CELF2: variants seen among roughly 807,000 people sequenced by gnomAD.
The protein encoded by CELF2 is CUG triplet repeat RNA-binding protein 2.
In CELF2, 8 loss-of-function variants were observed where a neutral mutation model predicts 62.6. That is an observed-to-expected ratio of 0.13 (90% CI 0.07 to 0.23). The LOEUF is 0.23. Among genes scored for constraint, CELF2 ranks in the 10% least tolerant of loss-of-function variants. The pLI, the probability that CELF2 is intolerant of heterozygous loss-of-function variation, is 1.00. For missense variants in CELF2, 333 were observed against 671.0 expected, an observed-to-expected ratio of 0.50 and a Z score of 5.56; for synonymous variants, 258 against 250.0, an observed-to-expected ratio of 1.03 and a Z score of -0.30.
intron 1 of CELF2, among the ~76,000 whole-genome samples, chr10:11,093,439 A>G (rs536246312): frequency 6.6e-6 from 1 of 152,334 alleles, no homozygotes; most frequent in South Asian, 2.1e-4. Flanking sequence ...AATCTGTGGC[A>G]TGCAAACTAG....
the CELF2 span, among the ~76,000 whole-genome samples, chr10:10,781,192 C>T: frequency 6.6e-6 from 1 of 152,180 alleles, no homozygotes. Flanking sequence ...CAACAGACCA[C>T]ATATATGAGT....
chr10:10,830,089 G>A (rs1236741159), intron 1 of CELF2, among the ~76,000 whole-genome samples: 1 of 150,664 alleles, frequency 6.6e-6, no homozygotes, highest in African/African-American at 2.4e-5. Context: ...TTAAACTATA[G>A]GCAGTCATGG....
At chr10:10,689,327 C>A in the CELF2 span, among the ~76,000 whole-genome samples, 422 of 152,236 alleles carry the variant, frequency 2.8e-3, 4 homozygotes, top group African/African-American at 7.9e-3. Flanking sequence ...ACCATCAGAT[C>A]TCATGAGGAC....
chr10:10,935,271 G>T (rs912959035), intron 2 of CELF2: 1 of 152,232 alleles, frequency 6.6e-6, no homozygotes, highest in Non-Finnish European at 1.5e-5. Flanking sequence ...AGCTGAGAAA[G>T]TCCTATCCAA....
chr10:11,129,318 G>A (rs893185262), intron 1 of CELF2, among the ~76,000 whole-genome samples: 66 of 152,252 alleles, frequency 4.3e-4, no homozygotes, highest in Non-Finnish European at 5.4e-4. Flanking sequence ...ATGTTCATCG[G>A]GGATATTGGT....
rs1174780302 is a variant in CELF2 at position 11,246,822 on chromosome 10, C to G, written c.355-2331C>G. ...CTTCACTGTCACGCTAAGGAACATT[C>G]TCTGTGGCCCTGGCCCGTCTCTCGA... On this transcript the variant is annotated intron_variant, in intron 3 of 12. Transcript: ENST00000633077. This position sits in a 1 kb window ranked among gnomAD's most constrained non-coding sequence, Gnocchi z 4.6. Among the ~76,000 whole-genome samples, 1 of 152,240 alleles carries G rather than the reference C, an allele frequency of 6.6e-6. No homozygotes were observed. Among genetic ancestry groups the G allele is most frequent in the Non-Finnish European group, 1.5e-5 (1 of 68,040 alleles).
intron 2 of CELF2, chr10:10,951,837 A>G (rs2048353386): frequency 6.6e-6 from 1 of 152,520 alleles, no homozygotes; most frequent in Admixed American, 6.5e-5. Context: ...GCCCAAACAT[A>G]TTGAAGTCAG....
chr10:11,181,248 A>T (rs1462278027), intron 2 of CELF2, among the ~76,000 whole-genome samples: 1 of 152,162 alleles, frequency 6.6e-6, no homozygotes, highest in East Asian at 1.9e-4. Context: ...GTTCGGTTCC[A>T]GGGTTTCTGT....
chr10:11,064,366 T>C (rs566643600), intron 1 of CELF2, among the ~76,000 whole-genome samples: 19 of 152,338 alleles, frequency 1.2e-4, no homozygotes, highest in African/African-American at 4.6e-4. Context: ...GGTCTGTGGT[T>C]ATTACAACCA....
the CELF2 span, among the ~76,000 whole-genome samples, chr10:10,557,598 G>A: frequency 6.6e-6 from 1 of 151,770 alleles, no homozygotes; most frequent in African/African-American, 2.4e-5. Context: ...GATGGGGATG[G>A]CATTGAATCT....
At chr10:10,520,432 A>G in the CELF2 span, among the ~76,000 whole-genome samples, 1 of 152,226 alleles carries the variant, frequency 6.6e-6, no homozygotes, top group Non-Finnish European at 1.5e-5. Flanking sequence ...TGAGCTAAGC[A>G]CTGGATACCA....
chr10:10,730,509 T>G, the CELF2 span, among the ~76,000 whole-genome samples: 16 of 152,154 alleles, frequency 1.1e-4, no homozygotes, highest in African/African-American at 3.9e-4. Flanking sequence ...GTAGGTCTTT[T>G]CATCATTGTG....
At chr10:10,686,309 T>TTTG in the CELF2 span, among the ~76,000 whole-genome samples, 4 of 60,172 alleles carry the variant, frequency 6.6e-5, no homozygotes, top group East Asian at 1.5e-3. Flanking sequence ...TTTGGATTTT[T>TTTG]TGGGGGGGGG....
intron 1 of CELF2, among the ~76,000 whole-genome samples, chr10:11,150,239 G>C (rs1326548345): frequency 6.6e-6 from 1 of 152,150 alleles, no homozygotes; most frequent in African/African-American, 2.4e-5. Flanking sequence ...TAGAGCTGAA[G>C]GCAAGAGCAC....
intron 1 of CELF2, among the ~76,000 whole-genome samples, chr10:10,822,629 C>T (rs758114550): frequency 7.2e-5 from 11 of 152,176 alleles, no homozygotes; most frequent in Non-Finnish European, 1.0e-4. Context: ...CGATTAACTA[C>T]CTGTGCTTTT....
intron 1 of CELF2, among the ~76,000 whole-genome samples, chr10:10,887,135 C>CT (rs200724085): frequency 0.01 from 1,485 of 145,862 alleles, 15 homozygotes; most frequent in African/African-American, 0.029. Flanking sequence ...CATTGTTACT[C>CT]TTTTTTTTTT....
At chr10:10,877,741 G>A (rs898602007) in intron 1 of CELF2, among the ~76,000 whole-genome samples, 1 of 152,180 alleles carries the variant, frequency 6.6e-6, no homozygotes, top group African/African-American at 2.4e-5. Flanking sequence ...GGACGAGTTG[G>A]GTAGGAGGGA....
At position 11,270,052 on chromosome 10, in the gene CELF2, C is replaced by T. The variant is rs552655275; in HGVS notation, c.619-614C>T. 2.6e-5 allele frequency among the ~76,000 whole-genome samples: 4 copies of T among 152,298 alleles called. No homozygotes were observed. Among genetic ancestry groups the T allele is most frequent in the South Asian group, 2.1e-4 (1 of 4,814 alleles). On this transcript the variant is annotated intron_variant, in intron 6 of 12. Coordinates refer to ENST00000633077, the MANE Select transcript of CELF2 (RefSeq NM_001326342.2). This position sits in a 1 kb window ranked among gnomAD's most constrained non-coding sequence, Gnocchi z 5.8. ...GAAGAGGCCTCTCTGAAAACGTGAA[C>T]GGTTACTTTGGAGAATGCCTGTGTT...
At chr10:10,973,363 C>T (rs903221448) in intron 2 of CELF2, among the ~76,000 whole-genome samples, 9 of 152,104 alleles carry the variant, frequency 5.9e-5, no homozygotes, top group African/African-American at 1.7e-4. Context: ...CCCAGCACCC[C>T]ACGCCTGACA....
Sources: gnomAD v4.1 joint callset for allele counts (sites outside exome capture counted in the v4.1 genomes callset) on GRCh38, gnomAD v4.1.1 for gene constraint, Gnocchi (gnomAD v3.1) non-coding constraint, MANE v1.5 for transcripts, NCBI Gene and HGNC (gene_info 2026-07-23, HGNC 2026-07-21) for gene names.